Variants in RASEF observed in about 807,000 individuals in gnomAD.
RASEF encodes ras and EF-hand domain-containing protein.
Under a neutral mutation model 90.1 loss-of-function variants are expected in RASEF, and 68 were observed. The ratio of observed to expected loss-of-function variants is 0.75; its 90% CI spans 0.62 to 0.92. The LOEUF is 0.92. Among genes scored for constraint, RASEF ranks in the 40% least tolerant of loss-of-function variants. The pLI, the probability that RASEF is intolerant of heterozygous loss-of-function variation, is 0.00. For synonymous variants in RASEF, 331 were observed against 345.2 expected, an observed-to-expected ratio of 0.96 and a Z score of 0.46; for missense variants, 949 against 937.2, an observed-to-expected ratio of 1.01 and a Z score of -0.16.
chr9:83,089,285 G>T, the RASEF span, among the ~76,000 whole-genome samples: 3 of 150,826 alleles, frequency 2.0e-5, no homozygotes, highest in Non-Finnish European at 4.4e-5. Context: ...TTTACATAGA[G>T]TTTTAAAAAT....
the RASEF span, among the ~76,000 whole-genome samples, chr9:83,129,291 C>A: frequency 6.6e-6 from 1 of 151,872 alleles, no homozygotes; most frequent in Non-Finnish European, 1.5e-5. Context: ...CCTGTGGTCC[C>A]AGCCACTTGG....
At chr9:83,010,289 G>A (rs939518142) in intron 5 of RASEF, among the ~76,000 whole-genome samples, 3 of 152,144 alleles carry the variant, frequency 2.0e-5, no homozygotes, top group Admixed American at 6.5e-5. Context: ...GGTGGATGGA[G>A]CACATGAATT....
chr9:83,160,344 A>C, the RASEF span, among the ~76,000 whole-genome samples: 1 of 152,190 alleles, frequency 6.6e-6, no homozygotes, highest in Non-Finnish European at 1.5e-5. Context: ...TCAGATGGAG[A>C]TAAGCAACTT....
chr9:83,196,411 A>G, the RASEF span, among the ~76,000 whole-genome samples: 1 of 152,082 alleles, frequency 6.6e-6, no homozygotes, highest in Non-Finnish European at 1.5e-5. Flanking sequence ...AGAAAAAGGA[A>G]CTATGACTTC....
chr9:83,176,950 T>G, the RASEF span, among the ~76,000 whole-genome samples: 1 of 152,086 alleles, frequency 6.6e-6, no homozygotes, highest in African/African-American at 2.4e-5. Flanking sequence ...ACCTTCTTAT[T>G]ATTTCTGGTT....
At chr9:83,130,450 G>A in the RASEF span, among the ~76,000 whole-genome samples, 1 of 152,086 alleles carries the variant, frequency 6.6e-6, no homozygotes, top group African/African-American at 2.4e-5. Flanking sequence ...TCACATTAAG[G>A]TTCACTCTTG....
chr9:83,078,690 G>GAA, the RASEF span, among the ~76,000 whole-genome samples: 102 of 151,884 alleles, frequency 6.7e-4, no homozygotes, highest in African/African-American at 2.2e-3. Flanking sequence ...GAGAGAGAGA[G>GAA]AAATGACACT....
the RASEF span, among the ~76,000 whole-genome samples, chr9:83,169,443 T>G: frequency 6.6e-6 from 1 of 151,926 alleles, no homozygotes. Context: ...TTTAGCTTTT[T>G]TAGGAACTTC....
chr9:83,148,679 C>G, the RASEF span, among the ~76,000 whole-genome samples: 9 of 152,160 alleles, frequency 5.9e-5, no homozygotes, highest in African/African-American at 1.9e-4. Flanking sequence ...GAAACTGATA[C>G]GATGTGGATT....
chr9:83,090,605 T>C, the RASEF span, among the ~76,000 whole-genome samples: 2 of 152,110 alleles, frequency 1.3e-5, no homozygotes, highest in Admixed American at 6.5e-5. Context: ...GGTTTCGCCA[T>C]GTTGGCCAGG....
chr9:83,150,220 C>T, the RASEF span, among the ~76,000 whole-genome samples: 8 of 152,084 alleles, frequency 5.3e-5, no homozygotes, highest in African/African-American at 1.9e-4. Flanking sequence ...GCCTTGCTCT[C>T]CAGGTGCCAC....
At chr9:83,049,470 C>G (rs1830000006) in intron 1 of RASEF, among the ~76,000 whole-genome samples, 1 of 150,232 alleles carries the variant, frequency 6.7e-6, no homozygotes, top group South Asian at 2.1e-4. Flanking sequence ...ACTCTGTTGT[C>G]AGTCACCTTC....
the RASEF span, among the ~76,000 whole-genome samples, chr9:83,137,714 G>C: frequency 6.6e-6 from 1 of 151,806 alleles, no homozygotes; most frequent in Non-Finnish European, 1.5e-5. Flanking sequence ...GCAGAGTCTG[G>C]GATTAGGCAG....
chr9:83,198,012 A>G, the RASEF span, among the ~76,000 whole-genome samples: 1 of 152,220 alleles, frequency 6.6e-6, no homozygotes, highest in Non-Finnish European at 1.5e-5. Context: ...TAATGTGTAC[A>G]TCTCCTCGAT....
At chr9:83,096,999 A>G in the RASEF span, among the ~76,000 whole-genome samples, 6 of 151,992 alleles carry the variant, frequency 3.9e-5, no homozygotes, top group Admixed American at 2.6e-4. Flanking sequence ...TCCATGGTGT[A>G]TATGTGCCAC....
the RASEF span, among the ~76,000 whole-genome samples, chr9:83,100,164 C>A: frequency 6.6e-6 from 1 of 152,130 alleles, no homozygotes; most frequent in Non-Finnish European, 1.5e-5. Flanking sequence ...GAAAGACTTT[C>A]CCAAATATAT....
At chr9:83,095,322 G>A in the RASEF span, among the ~76,000 whole-genome samples, 1 of 151,846 alleles carries the variant, frequency 6.6e-6, no homozygotes, top group Non-Finnish European at 1.5e-5. Context: ...CACTGAAGCA[G>A]GGGACTCTGG....
At chr9:83,134,381 A>G in the RASEF span, among the ~76,000 whole-genome samples, 1 of 149,658 alleles carries the variant, frequency 6.7e-6, no homozygotes, top group Admixed American at 6.7e-5. Flanking sequence ...CCCCCAACAA[A>G]GAATTTGTTC....
chr9:83,140,104 A>G, the RASEF span, among the ~76,000 whole-genome samples: 7 of 152,338 alleles, frequency 4.6e-5, no homozygotes, highest in South Asian at 1.4e-3. Context: ...AAGACTTACC[A>G]TGATGATGCT....
Sources: gnomAD v4.1 joint callset for allele counts (sites outside exome capture counted in the v4.1 genomes callset) on GRCh38, gnomAD v4.1.1 for gene constraint, MANE v1.5 for transcripts, NCBI Gene and HGNC (gene_info 2026-07-23, HGNC 2026-07-21) for gene names.